RABGEF1: variants seen among roughly 807,000 people sequenced by gnomAD.
RABGEF1 encodes the protein rab5 GDP/GTP exchange factor.
In RABGEF1, 26 loss-of-function variants were observed where a neutral mutation model predicts 57.3. The ratio of observed to expected loss-of-function variants is 0.45; its 90% CI spans 0.33 to 0.63. The LOEUF is 0.63. RABGEF1 is among the 20% of genes least tolerant of loss of function. RABGEF1 has a pLI of 0.02. For missense variants in RABGEF1, 464 were observed against 607.6 expected (o/e 0.76, Z 2.48); for synonymous variants, 185 against 210.7 (o/e 0.88, Z 1.06).
upstream of RABGEF1, among the ~76,000 whole-genome samples, chr7:66,680,447 T>C (rs1352222445): frequency 1.3e-5 from 2 of 151,934 alleles, no homozygotes; most frequent in Non-Finnish European, 2.9e-5. Flanking sequence ...TTTCTCTCTG[T>C]TGGTTCTGCT....
At chr7:66,769,662 T>C (rs1454638304) in intron 1 of RABGEF1, among the ~76,000 whole-genome samples, 8 of 152,226 alleles carry the variant, frequency 5.3e-5, no homozygotes, top group Non-Finnish European at 1.0e-4. Context: ...TTTATTTTCC[T>C]TCTCACTTAG....
intron 7 of RABGEF1, among the ~76,000 whole-genome samples, chr7:66,801,317 G>A (rs1787243771): frequency 6.6e-6 from 1 of 152,172 alleles, no homozygotes; most frequent in African/African-American, 2.4e-5. Context: ...GATCCAGGCG[G>A]ATAATGAGTG....
intron 7 of RABGEF1, among the ~76,000 whole-genome samples, chr7:66,804,705 C>A: frequency 6.6e-6 from 1 of 150,682 alleles, no homozygotes. Context: ...ACTGCACTCT[C>A]CAGCCTGGGC....
At chr7:66,682,191 C>T (rs3800820) in exon 1 of RABGEF1, 81,873 of 167,126 alleles carry the variant, frequency 0.49, 21,135 homozygotes, top group African/African-American at 0.66. Flanking sequence ...CGTGGGCGAG[C>T]GGTGACCTGG....
intron 8 of RABGEF1, among the ~76,000 whole-genome samples, chr7:66,807,190 T>C (rs1788621359): frequency 6.6e-6 from 1 of 152,064 alleles, no homozygotes; most frequent in Non-Finnish European, 1.5e-5. Context: ...GCCTGCAGCC[T>C]TAAGTACATT....
intron 1 of RABGEF1, among the ~76,000 whole-genome samples, chr7:66,695,824 G>T (rs1286108665): frequency 3.3e-5 from 5 of 152,022 alleles, no homozygotes; most frequent in Admixed American, 2.0e-4. Context: ...AAATTACAGG[G>T]GTGTGGTAGC....
intron 1 of RABGEF1, among the ~76,000 whole-genome samples, chr7:66,684,273 G>A (rs1282722348): frequency 3.3e-5 from 5 of 152,012 alleles, no homozygotes; most frequent in Admixed American, 6.6e-5. Flanking sequence ...GTGAAACCCC[G>A]TCTCTACTAA....
intron 1 of RABGEF1, among the ~76,000 whole-genome samples, chr7:66,741,963 C>T (rs1460670452): frequency 1.3e-5 from 2 of 150,196 alleles, no homozygotes; most frequent in African/African-American, 4.9e-5. Context: ...GGTGAAACCC[C>T]GTCTCTACTA....
rs558460718 is a variant in RABGEF1, at chr7:66,714,718, G to A, written c.-815+2494G>A. Among the ~76,000 whole-genome samples, 10 of 152,284 alleles carry A rather than the reference G, an allele frequency of 6.6e-5. No individual in the cohort carries two copies. In the East Asian group the frequency reaches 1.9e-3, roughly 29 times the overall value. On this transcript the variant is annotated intron_variant and NMD_transcript_variant, in intron 2 of 9. Coordinates refer to the RABGEF1 transcript ENST00000607882. ...TGGGAGGCCCAGGCGGGCGGATCAT[G>A]AGGTCAGGAGATCATGACCATCCTG...
chr7:66,746,949 A>G (rs368967901), intron 1 of RABGEF1, among the ~76,000 whole-genome samples: 102 of 151,864 alleles, frequency 6.7e-4, no homozygotes, highest in Admixed American at 2.1e-3. Context: ...ACGCGCCACC[A>G]TGCTGAGCTA....
chr7:66,781,994 A>G (rs2129138851), intron 3 of RABGEF1, among the ~76,000 whole-genome samples: 1 of 152,254 alleles, frequency 6.6e-6, no homozygotes, highest in East Asian at 1.9e-4. Flanking sequence ...TTTTTGTCTG[A>G]CCTTCCAGTT....
chr7:66,795,939 G>C (rs2129172385), intron 5 of RABGEF1, among the ~76,000 whole-genome samples: 1 of 152,286 alleles, frequency 6.6e-6, no homozygotes, highest in East Asian at 1.9e-4. Context: ...AGGAGTTCGA[G>C]ACCAGCCTGG....
chr7:66,748,281 C>T (rs1800690587), intron 1 of RABGEF1, among the ~76,000 whole-genome samples: 1 of 152,164 alleles, frequency 6.6e-6, no homozygotes, highest in African/African-American at 2.4e-5. Context: ...GATCCGAGTA[C>T]TTAGATCTCT....
intron 2 of RABGEF1, among the ~76,000 whole-genome samples, chr7:66,728,880 TCTCATCTCCAAA>T (rs1796948773): frequency 2.8e-5 from 1 of 36,000 alleles, no homozygotes; most frequent in South Asian, 8.5e-4. Flanking sequence ...TCAACTCCAC[TCTCATCTCCAAA>T]CTCACCTCCA....
chr7:66,735,660 G>A (rs984073617), intron 2 of RABGEF1, among the ~76,000 whole-genome samples: 4 of 152,122 alleles, frequency 2.6e-5, no homozygotes, highest in Admixed American at 2.6e-4. Context: ...AGATCTGGTG[G>A]TTTAAAATGT....
chr7:66,732,445 G>A (rs1445625557), intron 2 of RABGEF1, among the ~76,000 whole-genome samples: 1 of 152,286 alleles, frequency 6.6e-6, no homozygotes, highest in Non-Finnish European at 1.5e-5. Flanking sequence ...CAGTAAGTGG[G>A]TGTTTTAGGG....
the RABGEF1 span, among the ~76,000 whole-genome samples, chr7:66,667,235 C>T: frequency 2.6e-5 from 4 of 152,172 alleles, no homozygotes; most frequent in South Asian, 2.1e-4. Flanking sequence ...GTGCCTGGCA[C>T]GGGCTGAGAC....
chr7:66,725,671 G>A (rs1220741057), intron 2 of RABGEF1, among the ~76,000 whole-genome samples: 2 of 152,200 alleles, frequency 1.3e-5, no homozygotes, highest in Non-Finnish European at 2.9e-5. Flanking sequence ...TGAGGAAAGT[G>A]CAGCTCGGAT....
chr7:66,713,830 T>C (rs1406715737), intron 2 of RABGEF1, among the ~76,000 whole-genome samples: 3 of 152,262 alleles, frequency 2.0e-5, no homozygotes, highest in African/African-American at 7.2e-5. Context: ...CATTGATCAA[T>C]GTGTTGGTAT....
Sources: gnomAD v4.1 joint callset for allele counts (sites outside exome capture counted in the v4.1 genomes callset) on GRCh38, gnomAD v4.1.1 for gene constraint, MANE v1.5 for transcripts, NCBI Gene and HGNC (gene_info 2026-07-23, HGNC 2026-07-21) for gene names.